The following PRDM16 variants were observed in gnomAD, a reference collection of about 807,000 sequenced individuals.
PRDM16 encodes PR/SET domain 16, also known as histone-lysine N-methyltransferase PRDM16.
A neutral mutation model predicts 110.6 loss-of-function variants in PRDM16; 23 were observed. The ratio of observed to expected loss-of-function variants is 0.21; its 90% confidence interval spans 0.15 to 0.29. PRDM16 has a LOEUF of 0.29. PRDM16 is among the 10% of genes least tolerant of loss of function. The probability of loss-of-function intolerance (pLI) is 1.00; values close to 1 mark genes in which losing one functional copy is unlikely to be tolerated. For synonymous variants in PRDM16, 799 were observed against 781.8 expected, an observed-to-expected ratio of 1.02 and a Z score of -0.37; for missense variants, 1,615 against 1,794.3, an observed-to-expected ratio of 0.90 and a Z score of 1.81.
In PRDM16 at chr1:3,418,798, G is replaced by T. The variant is rs118065753; in HGVS notation, c.2939+54G>T. The stretch of plus-strand genomic sequence containing the variant: ...GCGGGGCCGCCTGCCTCCGTGCACC[G>T]CTGACCCACTCCTAGGAGTAAGTAT... On this transcript the variant is annotated intron_variant, in intron 12 of 16. Coordinates refer to ENST00000270722, the MANE Select transcript of PRDM16 (RefSeq NM_022114.4). 2.1e-4 allele frequency: 275 copies of T among 1,326,614 alleles called. 2 individuals carry two copies. The East Asian group carries it at 5.6e-3, about 27-fold the overall frequency. The allele number at this position is 1,326,614 out of a possible 1,614,324, so 82.2% of individuals were successfully genotyped here. A position where few individuals can be genotyped will look rare whatever the true frequency, so the allele number is the denominator to read the frequency against.
intron 1 of PRDM16, among the ~76,000 whole-genome samples, chr1:3,120,257 C>T (rs541831357): frequency 2.6e-5 from 4 of 152,234 alleles, no homozygotes; most frequent in African/African-American, 9.6e-5. Flanking sequence ...CCACAAAGAT[C>T]GCGTGTCCTC....
Position 3,411,673 on chromosome 1 carries a change from G to A in PRDM16, c.1476G>A (p.Arg492=), listed in dbSNP as rs1263955174. ...SLGFNEYFPS[R]PHPGSLPFST... ...GCTTCAACGAGTACTTTCCCTCCAG[G>A]CCGCACCCGGGGAGCCTGCCCTTCT... The change falls in exon 9 of 17, where the codon AGG becomes AGA. Residue 492 remains arginine, a synonymous_variant. Transcript: ENST00000270722. The A allele has an allele frequency of 5.6e-6, 9 of 1,612,072 alleles. No homozygotes were observed. The highest frequency in any genetic ancestry group is 7.6e-6 in the Non-Finnish European group (9 of 1,178,690).
chr1:3,415,334 C>T (rs900571697), intron 10 of PRDM16, among the ~76,000 whole-genome samples: 1 of 152,256 alleles, frequency 6.6e-6, no homozygotes, highest in Non-Finnish European at 1.5e-5. Context: ...TCCGCAGCGC[C>T]ATGGGCTGCA....
intron 3 of PRDM16, among the ~76,000 whole-genome samples, chr1:3,271,011 C>G (rs985798460): frequency 6.6e-6 from 1 of 152,166 alleles, no homozygotes; most frequent in Non-Finnish European, 1.5e-5. Context: ...CTGCCAGGGC[C>G]TCCCAGAGGC....
At chr1:3,240,723 C>A (rs1639650629) in intron 2 of PRDM16, among the ~76,000 whole-genome samples, 1 of 152,228 alleles carries the variant, frequency 6.6e-6, no homozygotes, top group Non-Finnish European at 1.5e-5. Flanking sequence ...CCCCCTGGGG[C>A]GGCGCCAGAA....
rs1476372087 is a variant in PRDM16 at position 3,358,451 on chromosome 1, G to A, written c.439-26701G>A. Among the ~76,000 whole-genome samples the A allele has an allele frequency of 6.6e-6, 1 of 152,176 alleles. No individual in the cohort carries two copies. The highest frequency in any genetic ancestry group is 1.5e-5 in the Non-Finnish European group (1 of 68,038). ...AATCTCCCACAGTGGAGGAGGTGTT[G>A]TCTCCAGAGGCAGCCGCTGCGCCCC... On this transcript the variant is annotated intron_variant, in intron 3 of 16. Transcript: ENST00000270722. This position sits in a 1 kb window ranked among gnomAD's most constrained non-coding sequence, Gnocchi z 4.0.
intron 3 of PRDM16, among the ~76,000 whole-genome samples, chr1:3,341,695 T>A (rs1419003522): frequency 6.6e-6 from 1 of 152,214 alleles, no homozygotes; most frequent in Non-Finnish European, 1.5e-5. Flanking sequence ...AGTTTTGATA[T>A]TTTCCCAGCT....
intron 2 of PRDM16, among the ~76,000 whole-genome samples, chr1:3,237,624 G>A (rs879536511): frequency 9.2e-5 from 14 of 152,332 alleles, no homozygotes; most frequent in African/African-American, 2.4e-4. Context: ...GCCTGCTCCC[G>A]GGGGCCAGGG....
chr1:3,130,787 T>TG (rs1300934030), intron 1 of PRDM16, among the ~76,000 whole-genome samples: 419 of 109,778 alleles, frequency 3.8e-3, no homozygotes, highest in Admixed American at 8.6e-3. Flanking sequence ...GCGGGGGCGG[T>TG]GGGGGGGCTG....
rs78988238 is a variant in PRDM16, at chr1:3,135,444, G to A, written c.38-50681G>A. On this transcript the variant is annotated intron_variant, in intron 1 of 16. Coordinates refer to ENST00000270722, the MANE Select transcript of PRDM16 (RefSeq NM_022114.4). The stretch of plus-strand genomic sequence containing the variant: ...CTGAGTTAAACAATGAGCTCCGGGC[G>A]TCCTGGGAAGGGGTTTCACAGTGAG... 1.8e-4 allele frequency among the ~76,000 whole-genome samples: 28 copies of A among 152,340 alleles called. 2 individuals carry two copies. In the Middle Eastern group the frequency reaches 0.014, roughly 74 times the overall value.
At position 3,430,903 on chromosome 1, in the gene PRDM16, C is replaced by A. The variant is rs771611814; in HGVS notation, c.3316C>A (p.Gln1106Lys). Residue 1106 changes from glutamine (Q) to lysine (K), a missense_variant, in exon 15 of 17, where the codon CAG (glutamine) becomes AAG (lysine). This residue lies in a region of PRDM16 where 327 missense variants were observed against 359.3 expected (regional missense o/e 0.91). Transcript: ENST00000270722. Reference sequence around the variant, plus strand: ...CATGCAGATCGTGGACGGCAGTGCCCAGTGTCCAGGCCTAGCCAGTGAGAA... The same window carrying A: ...CATGCAGATCGTGGACGGCAGTGCCAAGTGTCCAGGCCTAGCCAGTGAGAA... ...ADMQIVDGSA[Q>K]CPGLASEKQE... The A allele has an allele frequency of 6.2e-7, 1 of 1,614,116 alleles. No individual in the cohort carries two copies. Among genetic ancestry groups the A allele is most frequent in the Non-Finnish European group, 8.5e-7 (1 of 1,180,016 alleles).
At chr1:3,320,789 C>A (rs745882046) in intron 3 of PRDM16, among the ~76,000 whole-genome samples, 1 of 152,236 alleles carries the variant, frequency 6.6e-6, no homozygotes, top group Non-Finnish European at 1.5e-5. Context: ...AGCCCAGCTG[C>A]TGCTGTGGCA....
At chr1:3,214,672 G>A (rs1638978923) in intron 2 of PRDM16, among the ~76,000 whole-genome samples, 1 of 152,200 alleles carries the variant, frequency 6.6e-6, no homozygotes, top group Non-Finnish European at 1.5e-5. Context: ...ATAGCATCTC[G>A]CAGGGGCAAG....
In PRDM16 at chr1:3,390,790, C is replaced by T. The variant is rs1441062206; in HGVS notation, c.573+5504C>T. Among the ~76,000 whole-genome samples, 1 of 152,048 alleles carries T rather than the reference C, an allele frequency of 6.6e-6. No homozygotes were observed. Among genetic ancestry groups the T allele is most frequent in the Non-Finnish European group, 1.5e-5 (1 of 67,996 alleles). On this transcript the variant is annotated intron_variant, in intron 4 of 16. Coordinates refer to ENST00000270722, the MANE Select transcript of PRDM16 (RefSeq NM_022114.4). The surrounding 1 kb of genome is among the most constrained non-coding windows in gnomAD (Gnocchi z 5.0). Reference sequence around the variant, plus strand: ...ACCCATCATCTTGTTCTGCCCCGACCCCAGACATGTTCATATTCCCTTTGC... The same window carrying T: ...ACCCATCATCTTGTTCTGCCCCGACTCCAGACATGTTCATATTCCCTTTGC...
intron 3 of PRDM16, among the ~76,000 whole-genome samples, chr1:3,340,881 C>G (rs1410288545): frequency 1.3e-5 from 2 of 152,172 alleles, no homozygotes; most frequent in Admixed American, 1.3e-4. Flanking sequence ...AGAGGTGAAG[C>G]TGGCATTGGG....
chr1:3,078,507 C>G (rs1021343018), intron 1 of PRDM16, among the ~76,000 whole-genome samples: 3 of 152,236 alleles, frequency 2.0e-5, no homozygotes, highest in Non-Finnish European at 4.4e-5. Context: ...TCTGCACTGG[C>G]GCGGAGGTGC....
At chr1:3,242,872 A>G (rs538268065) in intron 2 of PRDM16, among the ~76,000 whole-genome samples, 2 of 152,304 alleles carry the variant, frequency 1.3e-5, no homozygotes, top group South Asian at 4.1e-4. Context: ...TCTTATGGAA[A>G]CAACGTTGCG....
intron 1 of PRDM16, among the ~76,000 whole-genome samples, chr1:3,165,442 T>A (rs111490127): frequency 9.1e-5 from 9 of 98,950 alleles, no homozygotes; most frequent in South Asian, 4.5e-4. Flanking sequence ...GTGACTCACC[T>A]GGGCTCAGGG....
In PRDM16 at chr1:3,201,241, G is replaced by A. The variant is rs74048307; in HGVS notation, c.387+14767G>A. Among the ~76,000 whole-genome samples the A allele has an allele frequency of 0.055, 8,422 of 152,138 alleles. 527 individuals carry two copies. Among genetic ancestry groups the A allele is most frequent in the African/African-American group, 0.16 (6,475 of 41,494 alleles). On this transcript the variant is annotated intron_variant, in intron 2 of 16. Transcript: ENST00000270722. The surrounding 1 kb of genome is among the most constrained non-coding windows in gnomAD (Gnocchi z 4.1). ...CCATTCATATGATCATAGGAGCTGGGGGGCTGGAGACAAATGTATTTCTCT... is the reference window on the plus strand; with the variant it reads ...CCATTCATATGATCATAGGAGCTGGAGGGCTGGAGACAAATGTATTTCTCT...
Sources: allele counts gnomAD v4.1 joint callset (sites outside exome capture counted in the v4.1 genomes callset), GRCh38; gene constraint gnomAD v4.1.1; regional missense constraint gnomAD v4.1.1; non-coding constraint Gnocchi (gnomAD v3.1); transcripts MANE v1.5; gene names NCBI Gene and HGNC (gene_info 2026-07-23, HGNC 2026-07-21).